CDH4: variants seen among roughly 807,000 people sequenced by gnomAD.
CDH4 encodes cadherin 4, also known as cadherin-4.
In CDH4, 33 loss-of-function variants were observed where a neutral mutation model predicts 86.0. The ratio of observed to expected loss-of-function variants is 0.38; its 90% CI spans 0.29 to 0.51. CDH4 has a LOEUF of 0.51. Among genes scored for constraint, CDH4 ranks in the 20% least tolerant of loss-of-function variants. The pLI is 0.86. For missense variants in CDH4, 1,114 were observed against 1,307.4 expected (o/e 0.85, Z 2.28); for synonymous variants, 555 against 549.4 (o/e 1.01, Z -0.14).
chr20:61,825,753 T>C (rs1463920424), intron 4 of CDH4, among the ~76,000 whole-genome samples: 2 of 152,198 alleles, frequency 1.3e-5, no homozygotes, highest in Admixed American at 6.5e-5. Context: ...CATGGTCAGC[T>C]GCCTACTTGA....
intron 2 of CDH4, among the ~76,000 whole-genome samples, chr20:61,692,004 C>T (rs2087660983): frequency 2.0e-5 from 3 of 152,166 alleles, no homozygotes; most frequent in Non-Finnish European, 2.9e-5. Context: ...TTGCCAAGGA[C>T]GTAAAATTCT....
intron 2 of CDH4, among the ~76,000 whole-genome samples, chr20:61,720,876 A>G (rs1292892704): frequency 6.6e-6 from 1 of 152,148 alleles, no homozygotes; most frequent in Non-Finnish European, 1.5e-5. Context: ...ATGAGACAGT[A>G]ACCATTAGCT....
chr20:61,466,748 C>T lies in CDH4; in HGVS notation c.169+211811C>T, dbSNP rs149982717. Among the ~76,000 whole-genome samples, 1,149 of 152,220 alleles carry T rather than the reference C, an allele frequency of 7.5e-3. 18 individuals carry two copies. The highest frequency in any genetic ancestry group is 0.026 in the African/African-American group (1,068 of 41,534). On this transcript the variant is annotated intron_variant, in intron 2 of 15. Transcript: ENST00000614565. ...CATCTGTAGTTCCAGCTAATCAGGA[C>T]GCTGAGGCGGGAGGATCACTTGAAC...
intron 2 of CDH4, among the ~76,000 whole-genome samples, chr20:61,378,416 T>C (rs1234138164): frequency 6.6e-6 from 1 of 152,178 alleles, no homozygotes; most frequent in Admixed American, 6.5e-5. Flanking sequence ...ATCTGAAATC[T>C]AAAATCAAGG....
In CDH4 at chr20:61,708,255, G is replaced by T. The variant is rs993445541; in HGVS notation, c.170-35308G>T. Among the ~76,000 whole-genome samples the T allele has an allele frequency of 2.0e-5, 3 of 152,136 alleles. No individual in the cohort carries two copies. The highest frequency in any genetic ancestry group is 4.2e-4 in the South Asian group (2 of 4,816). ...CTGAGTGTAGCGTGGCCAGCAGGGG[G>T]TTGACTTTTACCCCGAACCAGATGT... On this transcript the variant is annotated intron_variant, in intron 2 of 15. Coordinates refer to ENST00000614565, the MANE Select transcript of CDH4 (RefSeq NM_001794.5). The surrounding 1 kb of genome is among the most constrained non-coding windows in gnomAD (Gnocchi z 4.5).
At chr20:61,849,798 T>C (rs1222029064) in intron 5 of CDH4, among the ~76,000 whole-genome samples, 1 of 152,202 alleles carries the variant, frequency 6.6e-6, no homozygotes, top group Admixed American at 6.5e-5. Context: ...AACGTTCAGC[T>C]TTCGAAGGCC....
intron 2 of CDH4, among the ~76,000 whole-genome samples, chr20:61,420,115 A>C (rs1426814303): frequency 6.6e-6 from 1 of 152,242 alleles, no homozygotes; most frequent in Non-Finnish European, 1.5e-5. Context: ...ACTCACCTGG[A>C]GAGTGACTGC....
At chr20:61,644,499 G>A (rs2087041641) in intron 2 of CDH4, among the ~76,000 whole-genome samples, 1 of 152,184 alleles carries the variant, frequency 6.6e-6, no homozygotes, top group Admixed American at 6.5e-5. Flanking sequence ...TTGCAATAAA[G>A]GAGCCACAGA....
At chr20:61,661,515 G>C (rs2087257391) in intron 2 of CDH4, among the ~76,000 whole-genome samples, 1 of 133,586 alleles carries the variant, frequency 7.5e-6, no homozygotes, top group Non-Finnish European at 1.5e-5. Flanking sequence ...TGTCAGAGTT[G>C]GGTCTATAAA....
intron 2 of CDH4, among the ~76,000 whole-genome samples, chr20:61,657,593 T>C (rs2210112): frequency 0.23 from 35,167 of 152,190 alleles, 4,380 homozygotes; most frequent in African/African-American, 0.32. Flanking sequence ...TCCTGCCCTA[T>C]TCAAGGTTAC....
chr20:61,272,937 G>C (rs370996546), intron 2 of CDH4, among the ~76,000 whole-genome samples: 1 of 134,858 alleles, frequency 7.4e-6, no homozygotes, highest in Non-Finnish European at 1.6e-5. Flanking sequence ...GGAGTACCGT[G>C]TGCAGTTTGG....
intron 2 of CDH4, among the ~76,000 whole-genome samples, chr20:61,644,324 A>G (rs2087039431): frequency 6.6e-6 from 1 of 152,218 alleles, no homozygotes; most frequent in South Asian, 2.1e-4. Flanking sequence ...TGAGGGTGGA[A>G]CAGGGTCAGC....
intron 2 of CDH4, among the ~76,000 whole-genome samples, chr20:61,586,978 G>A (rs2086481675): frequency 6.6e-6 from 1 of 152,248 alleles, no homozygotes; most frequent in Non-Finnish European, 1.5e-5. Context: ...GAAGCAGAAG[G>A]GAGAGGCTGC....
intron 2 of CDH4, among the ~76,000 whole-genome samples, chr20:61,667,720 T>C (rs926223664): frequency 6.6e-6 from 1 of 152,200 alleles, no homozygotes; most frequent in African/African-American, 2.4e-5. Context: ...CGGGCTGGAC[T>C]CGGGTCTTTA....
At chr20:61,716,292 T>C (rs1221701937) in intron 2 of CDH4, among the ~76,000 whole-genome samples, 1 of 152,006 alleles carries the variant, frequency 6.6e-6, no homozygotes, top group Non-Finnish European at 1.5e-5. Context: ...GCTGGACCTG[T>C]AAAGGGGTGG....
At chr20:61,675,149 T>TG (rs2087432534) in intron 2 of CDH4, among the ~76,000 whole-genome samples, 1 of 152,250 alleles carries the variant, frequency 6.6e-6, no homozygotes, top group African/African-American at 2.4e-5. Flanking sequence ...CAGAAATCCC[T>TG]GCAGCTGGTA....
At chr20:61,725,684 C>T (rs1038799163) in intron 2 of CDH4, among the ~76,000 whole-genome samples, 2 of 152,040 alleles carry the variant, frequency 1.3e-5, no homozygotes, top group Non-Finnish European at 2.9e-5. Context: ...CGTCAAGAGT[C>T]GCCCCTACCT....
At chr20:61,694,417 C>T (rs1272692290) in intron 2 of CDH4, among the ~76,000 whole-genome samples, 1 of 152,126 alleles carries the variant, frequency 6.6e-6, no homozygotes, top group Non-Finnish European at 1.5e-5. Flanking sequence ...GCAGGGTGGT[C>T]AAGGTGCAGC....
intron 2 of CDH4, among the ~76,000 whole-genome samples, chr20:61,425,703 A>C (rs2085210056): frequency 6.6e-6 from 1 of 152,212 alleles, no homozygotes; most frequent in Admixed American, 6.6e-5. Flanking sequence ...AGGATGGCCA[A>C]TTGCAGGACA....
Sources: allele counts gnomAD v4.1 joint callset (sites outside exome capture counted in the v4.1 genomes callset), GRCh38; gene constraint gnomAD v4.1.1; non-coding constraint Gnocchi (gnomAD v3.1); transcripts MANE v1.5; gene names NCBI Gene and HGNC (gene_info 2026-07-23, HGNC 2026-07-21).